Variants in MGAT5 observed in about 807,000 individuals in gnomAD.
MGAT5 encodes alpha-1,6-mannosylglycoprotein 6-beta-N-acetylglucosaminyltransferase A.
In MGAT5, 30 loss-of-function variants were observed where a neutral mutation model predicts 94.3. The observed-to-expected ratio is 0.32, with a 90% confidence interval of 0.24 to 0.43. The LOEUF (loss-of-function observed/expected upper bound fraction) is 0.43. MGAT5 is among the 20% of genes least tolerant of loss of function. MGAT5 has a pLI of 1.00. For synonymous variants in MGAT5, 310 were observed against 322.9 expected (o/e 0.96, Z 0.43); for missense variants, 691 against 905.5 (o/e 0.76, Z 3.04).
chr2:134,281,830 G>T (rs961424851), intron 2 of MGAT5, among the ~76,000 whole-genome samples: 2 of 152,218 alleles, frequency 1.3e-5, no homozygotes, highest in Non-Finnish European at 2.9e-5. Flanking sequence ...TTCATTAAGT[G>T]TGGTTAATGT....
At position 134,206,590 on chromosome 2, in the gene MGAT5, G is replaced by A. The variant is rs192636606; in HGVS notation, c.-142-47672G>A. Among the ~76,000 whole-genome samples, 58 of 152,246 alleles carry A rather than the reference G, an allele frequency of 3.8e-4. No homozygotes were observed. The East Asian group carries it at 9.3e-3, about 24-fold the overall frequency. ...GTTAGGCTGTAACTCCTGAAACGTG[G>A]ATGTAGCCTTATGTGGAATAAGGGT... On this transcript the variant is annotated intron_variant, in intron 1 of 16. Coordinates refer to the MGAT5 transcript ENST00000409645.
At chr2:134,126,837 T>G (rs1685859507) in intron 1 of MGAT5, among the ~76,000 whole-genome samples, 1 of 152,008 alleles carries the variant, frequency 6.6e-6, no homozygotes, top group Non-Finnish European at 1.5e-5. Context: ...AGTGTGTAAC[T>G]ACTACCTTTC....
At chr2:134,266,431 G>A (rs1179824094) in intron 1 of MGAT5, among the ~76,000 whole-genome samples, 1 of 152,114 alleles carries the variant, frequency 6.6e-6, no homozygotes, top group Non-Finnish European at 1.5e-5. Context: ...ATGTTGGTCA[G>A]GCCGGTCTCT....
chr2:134,373,450 A>T (rs1294280124), intron 10 of MGAT5, among the ~76,000 whole-genome samples: 3 of 152,260 alleles, frequency 2.0e-5, no homozygotes, highest in Admixed American at 1.3e-4. Context: ...TCTGAAAGGC[A>T]TGGTCTTCTG....
chr2:134,151,607 G>A (rs1277369364), intron 1 of MGAT5, among the ~76,000 whole-genome samples: 6 of 107,708 alleles, frequency 5.6e-5, no homozygotes, highest in African/African-American at 4.0e-5. Flanking sequence ...CCTGCTTACC[G>A]CCATGGGACC....
chr2:134,318,364 C>G (rs1255132209), intron 3 of MGAT5, among the ~76,000 whole-genome samples: 2 of 152,130 alleles, frequency 1.3e-5, no homozygotes, highest in African/African-American at 4.8e-5. Flanking sequence ...AATCCCTAAG[C>G]CACCGCCTCT....
At chr2:134,358,550 T>C (rs1041303909) in intron 9 of MGAT5, among the ~76,000 whole-genome samples, 3 of 152,160 alleles carry the variant, frequency 2.0e-5, no homozygotes, top group Admixed American at 2.0e-4. Flanking sequence ...CTAATATCCC[T>C]GGGACTACAC....
intron 2 of MGAT5, among the ~76,000 whole-genome samples, chr2:134,299,939 C>T (rs1685917316): frequency 6.6e-6 from 1 of 152,112 alleles, no homozygotes; most frequent in Non-Finnish European, 1.5e-5. Context: ...TCTCTGAATA[C>T]CTGTAAGCTC....
At chr2:134,152,979 C>T (rs957686013) in intron 1 of MGAT5, among the ~76,000 whole-genome samples, 1 of 148,846 alleles carries the variant, frequency 6.7e-6, no homozygotes, top group Non-Finnish European at 1.5e-5. Flanking sequence ...TCTTGGCTCA[C>T]TGCAACCTCC....
intron 2 of MGAT5, among the ~76,000 whole-genome samples, chr2:134,305,859 A>G (rs1034301522): frequency 3.9e-5 from 6 of 152,194 alleles, no homozygotes; most frequent in African/African-American, 1.4e-4. Context: ...ATCGTTATAA[A>G]TATCACCTTA....
intron 14 of MGAT5, among the ~76,000 whole-genome samples, chr2:134,437,308 C>G (rs997281700): frequency 6.6e-6 from 1 of 152,148 alleles, no homozygotes; most frequent in African/African-American, 2.4e-5. Flanking sequence ...CAGTGTTAAC[C>G]TTTGTGCTGC....
intron 10 of MGAT5, among the ~76,000 whole-genome samples, chr2:134,396,870 G>A (rs1561455): frequency 0.55 from 83,014 of 152,166 alleles, 23,681 homozygotes; most frequent in Non-Finnish European, 0.62. Flanking sequence ...AGGCACAGAG[G>A]AGACAGCATT....
At chr2:134,218,383 A>G (rs1189579197) in intron 1 of MGAT5, among the ~76,000 whole-genome samples, 1 of 152,240 alleles carries the variant, frequency 6.6e-6, no homozygotes, top group African/African-American at 2.4e-5. Flanking sequence ...GGCTTAAAAC[A>G]GTAAGCCTTC....
intron 1 of MGAT5, among the ~76,000 whole-genome samples, chr2:134,204,582 G>C (rs953323858): frequency 1.3e-5 from 2 of 152,102 alleles, no homozygotes; most frequent in African/African-American, 4.8e-5. Context: ...AACAGATGCT[G>C]GGAGAGGGAG....
chr2:134,306,462 A>G (rs572912025), intron 2 of MGAT5, among the ~76,000 whole-genome samples: 1 of 152,302 alleles, frequency 6.6e-6, no homozygotes, highest in East Asian at 1.9e-4. Flanking sequence ...CATTGTGACA[A>G]AATTAATTAG....
At chr2:134,448,230 C>T (rs1416477481) in intron 15 of MGAT5, among the ~76,000 whole-genome samples, 2 of 152,224 alleles carry the variant, frequency 1.3e-5, no homozygotes, top group Non-Finnish European at 2.9e-5. Context: ...CCTGTGCTTC[C>T]CATTCTGGGA....
intron 1 of MGAT5, among the ~76,000 whole-genome samples, chr2:134,212,638 G>A (rs1200929680): frequency 1.3e-5 from 2 of 152,216 alleles, no homozygotes; most frequent in African/African-American, 4.8e-5. Flanking sequence ...CTCTTGCCCA[G>A]CCTTGGGAAA....
chr2:134,387,332 ATTTTTTT>A (rs35936767), intron 10 of MGAT5, among the ~76,000 whole-genome samples: 2 of 24,274 alleles, frequency 8.2e-5, no homozygotes, highest in Non-Finnish European at 1.3e-4. Flanking sequence ...ATATATATAT[ATTTTTTT>A]TTTTTTTTTT....
intron 2 of MGAT5, among the ~76,000 whole-genome samples, chr2:134,304,111 G>A (rs1299595386): frequency 6.6e-6 from 1 of 152,174 alleles, no homozygotes; most frequent in Non-Finnish European, 1.5e-5. Flanking sequence ...ACTGTTATGT[G>A]GATCTTACAC....
Sources: allele counts gnomAD v4.1 joint callset (sites outside exome capture counted in the v4.1 genomes callset), GRCh38; gene constraint gnomAD v4.1.1; transcripts MANE v1.5; gene names NCBI Gene and HGNC (gene_info 2026-07-23, HGNC 2026-07-21).